METTL25B: variants seen among roughly 807,000 people sequenced by gnomAD.
The protein encoded by METTL25B is methyltransferase-like protein 25B.
In METTL25B, 38 loss-of-function variants were observed where a neutral mutation model predicts 48.4. The ratio of observed to expected loss-of-function variants is 0.78; its 90% CI spans 0.61 to 1.03. METTL25B has a LOEUF of 1.03. Ranked by LOEUF, METTL25B falls within the 50% of genes least tolerant of loss-of-function variation. The pLI, the probability that METTL25B is intolerant of heterozygous loss-of-function variation, is 0.00. For synonymous variants in METTL25B, 230 were observed against 254.5 expected (o/e 0.90, Z 0.92); for missense variants, 537 against 603.7 (o/e 0.89, Z 1.16).
At chr1:156,732,137 T>G (rs759540243) in intron 2 of METTL25B, 22 bp downstream of exon 2, 1 of 1,614,108 alleles carries the variant, frequency 6.2e-7, no homozygotes, top group East Asian at 2.2e-5. Context: ...AAGGTCCCTG[T>G]GCTGGGGAAC....
At position 156,728,770 on chromosome 1, in the gene METTL25B, GCAAGGGGCGGGAAC is replaced by G; in HGVS notation, c.-334_-321del. ...TTCCGTAAGAGGAGAGGAGTGTACG[GCAAGGGGCGGGAAC>G]TGGAACTTGGCCCGCCTCGTTGTGA... is the stretch of plus-strand genomic sequence containing the variant. On this transcript the variant is annotated 5_prime_UTR_variant, in exon 1 of 8. It introduces an in-frame stop codon into an upstream open reading frame of the 5' UTR. Coordinates refer to ENST00000368216, the MANE Select transcript of METTL25B (RefSeq NM_015997.4). The G allele has an allele frequency of 9.5e-7, 1 of 1,053,390 alleles. No homozygotes were observed. Among genetic ancestry groups the G allele is most frequent in the South Asian group, 3.4e-5 (1 of 29,798 alleles). 65.3% of individuals were successfully genotyped at this position (1,053,390 alleles called of 1,614,324 possible).
chr1:156,728,934 C>T lies in METTL25B; in HGVS notation c.-171C>T, dbSNP rs1188598787. The T allele has an allele frequency of 3.9e-5, 22 of 565,320 alleles. No individual in the cohort carries two copies. The highest frequency in any genetic ancestry group is 3.4e-4 in the East Asian group (10 of 29,242). 35.0% of individuals were successfully genotyped at this position (565,320 alleles called of 1,614,324 possible). Reference sequence around the variant, plus strand: ...GTGACGTCTGGGGGGCGCCTCAAATCTTCCACTCCAGCATCGGATCCCGGA... The same window carrying T: ...GTGACGTCTGGGGGGCGCCTCAAATTTTCCACTCCAGCATCGGATCCCGGA... On this transcript the variant is annotated 5_prime_UTR_variant, in exon 1 of 8. Transcript: ENST00000368216.
At position 156,736,818 on chromosome 1, in the gene METTL25B, T is replaced by C; in HGVS notation, c.*65T>C. 2 of 1,512,538 alleles carry C rather than the reference T, an allele frequency of 1.3e-6. No individual in the cohort carries two copies. 93.7% of individuals were successfully genotyped at this position (1,512,538 alleles called of 1,614,324 possible). On this transcript the variant is annotated 3_prime_UTR_variant, in exon 8 of 8. Transcript: ENST00000368216. ...GTGCCCAGAGAGCACAGTGGCAGAG[T>C]ACATCTCATCCAGAGAAACAGCATC...
At position 156,733,627 on chromosome 1, in the gene METTL25B, T is replaced by C; in HGVS notation, c.636+107T>C. ...TTTCAAGTTTCTCAGCTTGAACTGG[T>C]GTGGTCCCTAATTTCTATTACCTCT... On this transcript the variant is annotated intron_variant, in intron 5 of 7. Coordinates refer to ENST00000368216, the MANE Select transcript of METTL25B (RefSeq NM_015997.4). 8 of 1,219,758 alleles carry C rather than the reference T, an allele frequency of 6.6e-6. No individual in the cohort carries two copies. In the South Asian group the frequency reaches 1.0e-4, roughly 15 times the overall value. 75.6% of individuals were successfully genotyped at this position (1,219,758 alleles called of 1,614,324 possible). A position where few individuals can be genotyped will look rare whatever the true frequency, so the allele number is the denominator to read the frequency against.
Position 156,735,752 on chromosome 1 carries a change from G to A in METTL25B, c.1149G>A (p.Val383=), listed in dbSNP as rs769242654. The A allele has an allele frequency of 3.1e-6, 5 of 1,610,922 alleles. No homozygotes were observed. The highest frequency in any genetic ancestry group is 4.2e-6 in the Non-Finnish European group (5 of 1,179,100). Residue 383 remains valine, a synonymous_variant, in exon 7 of 8, where the codon GTG becomes GTA. Coordinates refer to ENST00000368216, the MANE Select transcript of METTL25B (RefSeq NM_015997.4). ...EEYVQRGLQR[V]GLDPQLPLNL... ...ATGTGCAGCGGGGGCTACAGCGAGT[G>A]GGGCTAGATCCCCAGCTGCCACTGA...
Position 156,736,915 on chromosome 1 carries a change from T to G in METTL25B, c.*162T>G. ...TCCTTCCATGGATTATGTAATACATTGTAAAGTTTTAATTAATTAAAAATT... is the reference window on the plus strand; with the variant it reads ...TCCTTCCATGGATTATGTAATACATGGTAAAGTTTTAATTAATTAAAAATT... On this transcript the variant is annotated 3_prime_UTR_variant, in exon 8 of 8. Coordinates refer to ENST00000368216, the MANE Select transcript of METTL25B (RefSeq NM_015997.4). 1 of 653,586 alleles carries G rather than the reference T, an allele frequency of 1.5e-6. No homozygotes were observed. The highest frequency in any genetic ancestry group is 2.5e-6 in the Non-Finnish European group (1 of 400,332). 40.5% of individuals were successfully genotyped at this position (653,586 alleles called of 1,614,324 possible). A position where few individuals can be genotyped will look rare whatever the true frequency, so the allele number is the denominator to read the frequency against.
At chr1:156,730,438 C>G (rs1649178027) in intron 1 of METTL25B, among the ~76,000 whole-genome samples, 1 of 152,170 alleles carries the variant, frequency 6.6e-6, no homozygotes, top group South Asian at 2.1e-4. Flanking sequence ...CAAATCCCAG[C>G]TCAGGCCGGG....
Position 156,734,051 on chromosome 1 carries a change from AG to A in METTL25B, c.681del (p.Arg227SerfsTer3). On this transcript the variant is annotated frameshift_variant, in exon 6 of 8. Coordinates refer to ENST00000368216, the MANE Select transcript of METTL25B (RefSeq NM_015997.4). LOFTEE classifies it high-confidence loss of function. ...TCGTCACTCCCCACACCACGTGGTT[AG>A]GTGGGTAGACCCCACAGCCCTGTGT... ...SPRHSPHHVVRWVDPTALCEE... is the reference protein window; with the variant it reads ...SPRHSPHHVVXWVDPTALCEE... The A allele has an allele frequency of 6.2e-7, 1 of 1,613,234 alleles. No homozygotes were observed. Among genetic ancestry groups the A allele is most frequent in the East Asian group, 2.2e-5 (1 of 44,856 alleles).
In METTL25B at chr1:156,734,328, G is replaced by T. The variant is rs1330673770; in HGVS notation, c.956G>T (p.Cys319Phe). Residue 319 changes from cysteine (C) to phenylalanine (F), a missense_variant, in exon 6 of 8, where the codon TGC (cysteine) becomes TTC (phenylalanine). Coordinates refer to ENST00000368216, the MANE Select transcript of METTL25B (RefSeq NM_015997.4). ...CCCTACCGGCTTCGGGAGGGGGCCTGCCATGCCCTGGAGGAATATGCTGAG... is the reference window on the plus strand; with the variant it reads ...CCCTACCGGCTTCGGGAGGGGGCCTTCCATGCCCTGGAGGAATATGCTGAG... ...ELPYRLREGA[C>F]HALEEYAERL... 2.5e-6 allele frequency: 4 copies of T among 1,614,140 alleles called. No homozygotes were observed. The Admixed American group carries it at 5.0e-5, about 20-fold the overall frequency.
rs1447258510 is a variant in METTL25B at position 156,732,417 on chromosome 1, C to T, written c.373C>T (p.Pro125Ser). The T allele has an allele frequency of 6.2e-7, 1 of 1,614,182 alleles. No individual in the cohort carries two copies. Among genetic ancestry groups the T allele is most frequent in the Admixed American group, 1.7e-5 (1 of 60,028 alleles). Residue 125 changes from proline (P) to serine (S), a missense_variant, in exon 3 of 8, where the codon CCA (proline) becomes TCA (serine). Transcript: ENST00000368216. Reference protein sequence around the residue: ...NPSQSSRLTAPFRKHVRPKKQ... With the variant: ...NPSQSSRLTASFRKHVRPKKQ... The stretch of plus-strand genomic sequence containing the variant: ...CAGCCAGAGCTCCCGACTAACAGCT[C>T]CATTCCGGAAACATGTCAGGCCCAA...
intron 1 of METTL25B, among the ~76,000 whole-genome samples, chr1:156,730,185 G>A (rs76114442): frequency 0.12 from 18,090 of 152,124 alleles, 1,456 homozygotes; most frequent in Admixed American, 0.22. Flanking sequence ...TTGCTTCCTA[G>A]ATACTTTTAT....
chr1:156,732,396 C>T lies in METTL25B; in HGVS notation c.352C>T (p.Gln118Ter). Reference sequence around the variant, plus strand: ...CTCAGAATTCCTGGAGAACCCCAGCCAGAGCTCCCGACTAACAGCTCCATT... The same window carrying T: ...CTCAGAATTCCTGGAGAACCCCAGCTAGAGCTCCCGACTAACAGCTCCATT... ...TPSEFLENPS[Q>*]SSRLTAPFRK... Residue 118 changes from glutamine (Q) to a stop codon, truncating the protein, a stop_gained, in exon 3 of 8, where the codon CAG becomes TAG. Transcript: ENST00000368216. LOFTEE classifies it high-confidence loss of function. The T allele has an allele frequency of 6.2e-7, 1 of 1,614,172 alleles. No homozygotes were observed. The highest frequency in any genetic ancestry group is 8.5e-7 in the Non-Finnish European group (1 of 1,180,038).
chr1:156,731,279 A>G (rs943894284), intron 1 of METTL25B, among the ~76,000 whole-genome samples: 1 of 152,146 alleles, frequency 6.6e-6, no homozygotes, highest in African/African-American at 2.4e-5. Context: ...GTGTGCCAAC[A>G]TGCCTGGCAA....
chr1:156,733,964 GCAAA>G (rs1649502384), intron 5 of METTL25B, 41 bp from the exon 6 acceptor site: 2 of 1,550,598 alleles, frequency 1.3e-6, no homozygotes, highest in Non-Finnish European at 1.7e-6. Context: ...CCTGGGGACA[GCAAA>G]CAGACTTCCC....
At chr1:156,736,170 C>G in intron 7 of METTL25B, 1 of 318,054 alleles carries the variant, frequency 3.1e-6, no homozygotes, top group Non-Finnish European at 5.8e-6. Context: ...GAGTTCAAGA[C>G]CAGCGATGGT....
At chr1:156,735,409 A>G (rs1649663706) in intron 6 of METTL25B, among the ~76,000 whole-genome samples, 1 of 144,418 alleles carries the variant, frequency 6.9e-6, no homozygotes, top group African/African-American at 2.6e-5. Flanking sequence ...GAAACATTCA[A>G]AAATACATGG....
Position 156,734,275 on chromosome 1 carries a change from G to C in METTL25B, c.903G>C (p.Trp301Cys). ...CTGGCGGCTACCCACTGAGTCAGTG[G>C]GTGGCTGGGCTGCCTGGCTATGAAC... is the stretch of plus-strand genomic sequence containing the variant. ...SDPGGYPLSQ[W>C]VAGLPGYELP... Residue 301 changes from tryptophan (W) to cysteine (C), a missense_variant, in exon 6 of 8, where the codon TGG becomes TGC. Physicochemically the swap from Trp to Cys is radical, Grantham distance 215 (BLOSUM62 -2). Transcript: ENST00000368216. 1 of 1,614,174 alleles carries C rather than the reference G, an allele frequency of 6.2e-7. No individual in the cohort carries two copies. The highest frequency in any genetic ancestry group is 8.5e-7 in the Non-Finnish European group (1 of 1,180,036).
intron 1 of METTL25B, among the ~76,000 whole-genome samples, chr1:156,731,494 C>A (rs1431589433): frequency 1.3e-5 from 2 of 152,098 alleles, no homozygotes; most frequent in Non-Finnish European, 2.9e-5. Context: ...TGTTGTATTC[C>A]CTGAGCCTAC....
At chr1:156,730,929 ATAAG>A (rs960327150) in intron 1 of METTL25B, among the ~76,000 whole-genome samples, 1 of 152,256 alleles carries the variant, frequency 6.6e-6, no homozygotes, top group Non-Finnish European at 1.5e-5. Context: ...AAGGTGTTAA[ATAAG>A]TGTTTGCTAT....
Sources: allele counts gnomAD v4.1 joint callset (sites outside exome capture counted in the v4.1 genomes callset), GRCh38; gene constraint gnomAD v4.1.1; transcripts MANE v1.5; gene names NCBI Gene and HGNC (gene_info 2026-07-23, HGNC 2026-07-21).